The following CEP128 variants were observed in gnomAD, a reference collection of about 807,000 sequenced individuals.
CEP128 encodes centrosomal protein 128, also known as centrosomal protein 128kDa.
CEP128 carries 132 observed loss-of-function variants against 156.7 expected under a neutral mutation model. The observed-to-expected ratio is 0.84, with a 90% CI of 0.73 to 0.97. The LOEUF (loss-of-function observed/expected upper bound fraction) is 0.97. Ranked by LOEUF, CEP128 falls within the 50% of genes least tolerant of loss-of-function variation. CEP128 has a pLI of 0.00. For missense variants in CEP128, 1,252 were observed against 1,281.9 expected (o/e 0.98, Z 0.36); for synonymous variants, 469 against 448.9 (o/e 1.04, Z -0.57).
At chr14:80,694,162 C>T (rs1274647191) in intron 19 of CEP128, among the ~76,000 whole-genome samples, 1 of 152,158 alleles carries the variant, frequency 6.6e-6, no homozygotes, top group Non-Finnish European at 1.5e-5. Context: ...AAAAAAAGCT[C>T]ATCAACACTG....
At chr14:80,895,693 C>G in intron 8 of CEP128, 25 bp downstream of exon 8, 1 of 1,494,536 alleles carries the variant, frequency 6.7e-7, no homozygotes, top group South Asian at 1.3e-5. Flanking sequence ...TGAAATAAAA[C>G]TTTTTATTAA....
At chr14:80,828,123 C>CTTTTTTTTT (rs1008856396) in intron 13 of CEP128, among the ~76,000 whole-genome samples, 13 of 126,970 alleles carry the variant, frequency 1.0e-4, no homozygotes, top group African/African-American at 4.1e-4. Flanking sequence ...CTTCTTTTTT[C>CTTTTTTTTT]TTTTTTTTTT....
At chr14:80,527,366 G>A in intron 22 of CEP128, 1 of 286,792 alleles carries the variant, frequency 3.5e-6, no homozygotes, top group Non-Finnish European at 7.3e-6. Context: ...AGCCCAGGAG[G>A]CAGAGGTTGC....
chr14:80,731,625 G>C (rs1898275904), intron 19 of CEP128, among the ~76,000 whole-genome samples: 2 of 152,098 alleles, frequency 1.3e-5, no homozygotes, highest in African/African-American at 4.8e-5. Flanking sequence ...GGGAAAAAAA[G>C]CAAATCTATA....
chr14:80,571,828 T>C (rs1365075258), intron 20 of CEP128, among the ~76,000 whole-genome samples: 1 of 130,920 alleles, frequency 7.6e-6, no homozygotes, highest in African/African-American at 3.0e-5. Flanking sequence ...GTGAGGAGAT[T>C]CTGTTTTTCA....
intron 21 of CEP128, among the ~76,000 whole-genome samples, chr14:80,533,631 T>C (rs1366293581): frequency 6.6e-6 from 1 of 152,102 alleles, no homozygotes; most frequent in South Asian, 2.1e-4. Context: ...GACTCCTTCT[T>C]TTCTCAGTGC....
At chr14:80,921,949 G>A (rs1430983014) in intron 2 of CEP128, among the ~76,000 whole-genome samples, 1 of 148,582 alleles carries the variant, frequency 6.7e-6, no homozygotes, top group Non-Finnish European at 1.5e-5. Flanking sequence ...GGCGACAACC[G>A]AGACTCCATC....
intron 17 of CEP128, among the ~76,000 whole-genome samples, chr14:80,759,834 C>T (rs754753324): frequency 6.6e-6 from 1 of 151,936 alleles, no homozygotes; most frequent in Non-Finnish European, 1.5e-5. Context: ...GCTATCTGCA[C>T]ATCATGTATT....
chr14:80,506,352 T>TA (rs397936233), intron 23 of CEP128, among the ~76,000 whole-genome samples: 6 of 148,896 alleles, frequency 4.0e-5, no homozygotes, highest in Non-Finnish European at 8.9e-5. Flanking sequence ...TTTTTTTTTT[T>TA]AAGTACAATC....
chr14:80,661,296 A>T (rs1595170313), intron 19 of CEP128, among the ~76,000 whole-genome samples: 1 of 152,180 alleles, frequency 6.6e-6, no homozygotes, highest in East Asian at 1.9e-4. Flanking sequence ...AAACTAAAAA[A>T]ATCTACTGGT....
chr14:80,892,951 A>G (rs73344010), intron 8 of CEP128, among the ~76,000 whole-genome samples: 12,914 of 151,916 alleles, frequency 0.085, 629 homozygotes, highest in African/African-American at 0.12. Flanking sequence ...GAACTACCAT[A>G]TGACCCAGTG....
At chr14:80,664,054 C>A (rs969633933) in intron 19 of CEP128, among the ~76,000 whole-genome samples, 1 of 152,228 alleles carries the variant, frequency 6.6e-6, no homozygotes, top group African/African-American at 2.4e-5. Context: ...AATCAATTTT[C>A]TCACCACCTT....
chr14:80,649,650 A>G (rs1894810603), intron 19 of CEP128, among the ~76,000 whole-genome samples: 1 of 152,108 alleles, frequency 6.6e-6, no homozygotes, highest in Non-Finnish European at 1.5e-5. Context: ...GGTAAAAAAA[A>G]GTCTGCATTT....
Position 80,880,873 on chromosome 14 carries a change from ATAAT to A in CEP128, c.645+14841_645+14844del, listed in dbSNP as rs1888508959. Among the ~76,000 whole-genome samples the A allele has an allele frequency of 2.4e-5, 3 of 125,562 alleles. No individual in the cohort carries two copies. The South Asian group carries it at 7.3e-4, about 31-fold the overall frequency. The allele number at this position is 125,562 out of a possible 152,430, so 82.4% of individuals were successfully genotyped here. On this transcript the variant is annotated intron_variant, in intron 8 of 24. Coordinates refer to ENST00000555265, the MANE Select transcript of CEP128 (RefSeq NM_152446.5). ...GCAAGACTCCATCTCAAAAATAATA[ATAAT>A]AATAATAATAATAATAATAATAATA...
At chr14:80,837,128 G>A (rs1827523884) in intron 11 of CEP128, among the ~76,000 whole-genome samples, 1 of 152,170 alleles carries the variant, frequency 6.6e-6, no homozygotes, top group Non-Finnish European at 1.5e-5. Context: ...TGTAAAACAG[G>A]TGCTATCTTG....
intron 19 of CEP128, among the ~76,000 whole-genome samples, chr14:80,631,667 T>C (rs561603989): frequency 1.3e-5 from 2 of 152,242 alleles, no homozygotes; most frequent in African/African-American, 4.8e-5. Flanking sequence ...TTTTCTCTTG[T>C]TCTATCAAAG....
At chr14:80,517,530 T>A (rs1381930338) in intron 23 of CEP128, among the ~76,000 whole-genome samples, 2 of 152,216 alleles carry the variant, frequency 1.3e-5, no homozygotes, top group African/African-American at 2.4e-5. Flanking sequence ...TTTGGGAAAT[T>A]TTTAGGTATC....
downstream of CEP128, among the ~76,000 whole-genome samples, chr14:80,493,405 T>G (rs1887389958): frequency 6.6e-6 from 1 of 152,154 alleles, no homozygotes; most frequent in Non-Finnish European, 1.5e-5. Flanking sequence ...CTGGAGGCCA[T>G]CAGATGATAT....
At chr14:80,888,578 C>T (rs1023135392) in intron 8 of CEP128, among the ~76,000 whole-genome samples, 3 of 152,168 alleles carry the variant, frequency 2.0e-5, no homozygotes, top group African/African-American at 7.2e-5. Context: ...CAAAATTCAA[C>T]AGCGCTTCAT....
Sources: gnomAD v4.1 joint callset for allele counts (sites outside exome capture counted in the v4.1 genomes callset) on GRCh38, gnomAD v4.1.1 for gene constraint, MANE v1.5 for transcripts, NCBI Gene and HGNC (gene_info 2026-07-23, HGNC 2026-07-21) for gene names.